SLC45A3: variants seen among roughly 807,000 people sequenced by gnomAD.
The protein encoded by SLC45A3 is solute carrier family 45 member 3, also known as prostate cancer associated protein 2.
SLC45A3 carries 17 observed loss-of-function variants against 35.3 expected under a neutral mutation model. That is an observed-to-expected ratio of 0.48 (90% CI 0.33 to 0.72). The LOEUF (loss-of-function observed/expected upper bound fraction) is 0.72, where lower values mean the gene tolerates loss of function less well. Among genes scored for constraint, SLC45A3 ranks in the 30% least tolerant of loss-of-function variants. The probability of loss-of-function intolerance (pLI) is 0.02; values close to 1 mark genes in which losing one functional copy is unlikely to be tolerated. For missense variants in SLC45A3, 597 were observed against 731.7 expected (o/e 0.82, Z 2.12); for synonymous variants, 288 against 334.3 (o/e 0.86, Z 1.51).
intron 1 of SLC45A3, among the ~76,000 whole-genome samples, chr1:205,668,441 G>A (rs897703377): frequency 9.2e-5 from 14 of 152,118 alleles, no homozygotes; most frequent in African/African-American, 3.4e-4. Context: ...ACTCCCATCA[G>A]CAGCCTCAGG....
At chr1:205,660,734 C>T (rs561084121) in intron 4 of SLC45A3, among the ~76,000 whole-genome samples, 33 of 152,182 alleles carry the variant, frequency 2.2e-4, no homozygotes, top group Admixed American at 1.4e-3. Context: ...AGCCCCAGAA[C>T]GTTCCCTGGC....
intron 1 of SLC45A3, among the ~76,000 whole-genome samples, chr1:205,675,289 A>C (rs1671292754): frequency 1.3e-5 from 2 of 152,208 alleles, no homozygotes; most frequent in Admixed American, 1.3e-4. Context: ...CAGGAGAAAG[A>C]GTAATATTTT....
In SLC45A3 at chr1:205,659,177, A is replaced by G. The variant is rs1571528561; in HGVS notation, c.*57T>C. Reference sequence around the variant, plus strand: ...CCGGCAGCCCCATGGGGCTAACAGGAGCGGGGAGCTGGGACCCAGTGAGGC... The same window carrying G: ...CCGGCAGCCCCATGGGGCTAACAGGGGCGGGGAGCTGGGACCCAGTGAGGC... On this transcript the variant is annotated 3_prime_UTR_variant, in exon 5 of 5. Transcript: ENST00000367145. This position sits in a 1 kb window ranked among gnomAD's most constrained non-coding sequence, Gnocchi z 5.8. The G allele has an allele frequency of 2.0e-6, 3 of 1,535,320 alleles. No homozygotes were observed. The East Asian group carries it at 6.8e-5, about 35-fold the overall frequency.
chr1:205,658,401 C>T lies in SLC45A3; in HGVS notation c.*833G>A, dbSNP rs1670960392. Reference sequence around the variant, plus strand: ...AGAATTTCCAAGGTCCTGGGTTAGGCATTTTGGGGGGCCAGACCCCAGGAG... The same window carrying T: ...AGAATTTCCAAGGTCCTGGGTTAGGTATTTTGGGGGGCCAGACCCCAGGAG... On this transcript the variant is annotated 3_prime_UTR_variant, in exon 5 of 5. Transcript: ENST00000367145. 4.3e-6 allele frequency: 1 copy of T among 232,850 alleles called. No individual in the cohort carries two copies. The highest frequency in any genetic ancestry group is 6.0e-5 in the East Asian group (1 of 16,540). 14.4% of individuals were successfully genotyped at this position (232,850 alleles called of 1,614,324 possible).
chr1:205,662,496 G>C lies in SLC45A3; in HGVS notation c.958+337C>G. On this transcript the variant is annotated intron_variant, in intron 3 of 4. Transcript: ENST00000367145. The surrounding 1 kb of genome is among the most constrained non-coding windows in gnomAD (Gnocchi z 6.2). ...TGAGATTATTTGGAAAGTCGTTGGG[G>C]GAGCAGAGGGCACACTGCGGCTGGA... 7.8e-7 allele frequency: 1 copy of C among 1,286,038 alleles called. No individual in the cohort carries two copies. 79.7% of individuals were successfully genotyped at this position (1,286,038 alleles called of 1,614,324 possible). A position where few individuals can be genotyped will look rare whatever the true frequency, so the allele number is the denominator to read the frequency against.
At chr1:205,661,723 G>C (rs897706200) in intron 4 of SLC45A3, 138 bp downstream of exon 4, 1 of 1,283,128 alleles carries the variant, frequency 7.8e-7, no homozygotes, top group Non-Finnish European at 1.1e-6. Context: ...TGGCCCTGGG[G>C]CTAGGATAAG....
chr1:205,664,848 T>TG lies in SLC45A3; in HGVS notation c.-193dup, dbSNP rs1671093766. 4.2e-6 allele frequency: 6 copies of TG among 1,422,746 alleles called. No individual in the cohort carries two copies. In the Admixed American group the frequency reaches 8.7e-5, roughly 21 times the overall value. The allele number at this position is 1,422,746 out of a possible 1,614,324, so 88.1% of individuals were successfully genotyped here. A position where few individuals can be genotyped will look rare whatever the true frequency, so the allele number is the denominator to read the frequency against. ...AGCCCATGCTCAACACCTGCTGCTG[T>TG]GGGGCACCTCAGTGGGGACACGTCT... On this transcript the variant is annotated 5_prime_UTR_variant, in exon 2 of 5. It removes the in-frame stop codon of an upstream open reading frame in the 5' UTR. Coordinates refer to ENST00000367145, the MANE Select transcript of SLC45A3 (RefSeq NM_033102.3). The surrounding 1 kb of genome is among the most constrained non-coding windows in gnomAD (Gnocchi z 5.3).
intron 1 of SLC45A3, among the ~76,000 whole-genome samples, chr1:205,675,260 CA>C (rs1443734760): frequency 6.6e-6 from 1 of 152,174 alleles, no homozygotes; most frequent in Non-Finnish European, 1.5e-5. Context: ...TCTTGATCAC[CA>C]GTTCTTACCT....
intron 1 of SLC45A3, among the ~76,000 whole-genome samples, chr1:205,674,597 T>C (rs1192010295): frequency 1.1e-5 from 1 of 95,124 alleles, no homozygotes; most frequent in Non-Finnish European, 2.2e-5. Context: ...AAATTGATGC[T>C]GTTTCAAAAA....
At position 205,662,817 on chromosome 1, in the gene SLC45A3, G is replaced by A; in HGVS notation, c.958+16C>T. The A allele has an allele frequency of 6.4e-7, 1 of 1,555,800 alleles. No homozygotes were observed. The highest frequency in any genetic ancestry group is 1.8e-5 in the Admixed American group (1 of 54,290). On this transcript the variant is annotated intron_variant, in intron 3 of 4. Coordinates refer to ENST00000367145, the MANE Select transcript of SLC45A3 (RefSeq NM_033102.3). The surrounding 1 kb of genome is among the most constrained non-coding windows in gnomAD (Gnocchi z 6.2). The stretch of plus-strand genomic sequence containing the variant: ...GCGGCTCCCACACCAGCCTCTGCTG[G>A]CTGCCAAGGCCTTACCTTCATCATA...
chr1:205,679,313 A>G (rs1232756487), intron 1 of SLC45A3, among the ~76,000 whole-genome samples: 1 of 152,108 alleles, frequency 6.6e-6, no homozygotes, highest in Non-Finnish European at 1.5e-5. Context: ...AAGAGGAAGC[A>G]TAGGGAACAC....
rs370039596 is a variant in SLC45A3, at chr1:205,660,124, C to T, written c.1225-453G>A. On this transcript the variant is annotated intron_variant, in intron 4 of 4. Coordinates refer to ENST00000367145, the MANE Select transcript of SLC45A3 (RefSeq NM_033102.3). ...CTTCCTTCCTGCCTGCCCTCCACTC[C>T]GACATCTGGAAATCCTCATTGCCCG... Among the ~76,000 whole-genome samples the T allele has an allele frequency of 9.2e-5, 14 of 152,034 alleles. No homozygotes were observed. The South Asian group carries it at 2.1e-3, about 23-fold the overall frequency.
At chr1:205,665,279 G>T (rs1294037707) in intron 1 of SLC45A3, among the ~76,000 whole-genome samples, 1 of 152,096 alleles carries the variant, frequency 6.6e-6, no homozygotes, top group Non-Finnish European at 1.5e-5. Context: ...GTTTGCTTTT[G>T]TCTTTCTACT....
rs751498891 is a variant in SLC45A3 at position 205,664,474 on chromosome 1, T to C, written c.172+11A>G. Reference sequence around the variant, plus strand: ...TCTGGAACAGGAAGGAAGGAGGATGTAGTGACTCACCCAGCACCATGGTCA... The same window carrying C: ...TCTGGAACAGGAAGGAAGGAGGATGCAGTGACTCACCCAGCACCATGGTCA... On this transcript the variant is annotated intron_variant, in intron 2 of 4. Transcript: ENST00000367145. The surrounding 1 kb of genome is among the most constrained non-coding windows in gnomAD (Gnocchi z 5.3). 1 of 1,613,702 alleles carries C rather than the reference T, an allele frequency of 6.2e-7. No homozygotes were observed. The highest frequency in any genetic ancestry group is 8.5e-7 in the Non-Finnish European group (1 of 1,179,690).
chr1:205,673,609 A>G (rs191923222), intron 1 of SLC45A3, among the ~76,000 whole-genome samples: 44 of 152,322 alleles, frequency 2.9e-4, no homozygotes, highest in Admixed American at 2.0e-3. Context: ...GAGTCAGACC[A>G]TGGTGCTGGT....
chr1:205,661,818 A>G lies in SLC45A3; in HGVS notation c.1224+43T>C, dbSNP rs748841320. The G allele has an allele frequency of 2.0e-5, 31 of 1,576,690 alleles. 1 individual carries two copies. The Admixed American group carries it at 5.1e-4, about 26-fold the overall frequency. On this transcript the variant is annotated intron_variant, in intron 4 of 4. Transcript: ENST00000367145. ...GCTAGTTGGCCTCCCAAAAACCCAGACCACCCCTCCCACCCTGACTCCACC... is the reference window on the plus strand; with the variant it reads ...GCTAGTTGGCCTCCCAAAAACCCAGGCCACCCCTCCCACCCTGACTCCACC...
intron 1 of SLC45A3, among the ~76,000 whole-genome samples, chr1:205,676,007 G>C (rs1273410109): frequency 6.6e-6 from 1 of 152,118 alleles, no homozygotes; most frequent in Non-Finnish European, 1.5e-5. Context: ...AGAAGAGTAG[G>C]TACCCAAGAG....
chr1:205,665,883 T>C (rs1021600586), intron 1 of SLC45A3, among the ~76,000 whole-genome samples: 1 of 152,194 alleles, frequency 6.6e-6, no homozygotes, highest in Non-Finnish European at 1.5e-5. Flanking sequence ...AGCCTCTGCT[T>C]AGAAGTGACT....
chr1:205,671,033 CA>C (rs1169736946), intron 1 of SLC45A3, among the ~76,000 whole-genome samples: 1 of 152,196 alleles, frequency 6.6e-6, no homozygotes, highest in African/African-American at 2.4e-5. Flanking sequence ...GGAAAGGAAA[CA>C]AATGCCAGAG....
Sources: allele counts gnomAD v4.1 joint callset (sites outside exome capture counted in the v4.1 genomes callset), GRCh38; gene constraint gnomAD v4.1.1; non-coding constraint Gnocchi (gnomAD v3.1); transcripts MANE v1.5; gene names NCBI Gene and HGNC (gene_info 2026-07-23, HGNC 2026-07-21).